Variants in RTEL1 observed in about 807,000 individuals in gnomAD.
RTEL1 encodes regulator of telomere length.
Under a neutral mutation model 162.2 loss-of-function variants are expected in RTEL1, and 86 were observed. The observed-to-expected ratio is 0.53, with a 90% CI of 0.45 to 0.63. The LOEUF (loss-of-function observed/expected upper bound fraction) is 0.63, where lower values mean the gene tolerates loss of function less well. Ranked by LOEUF, RTEL1 falls within the 30% of genes least tolerant of loss-of-function variation. The pLI is 0.00. For synonymous variants in RTEL1, 958 were observed against 717.9 expected (o/e 1.33, Z -5.35); for missense variants, 1,941 against 1,750.2 (o/e 1.11, Z -1.95).
chr20:63,663,040 C>T, intron 6 of RTEL1, 151 bp downstream of exon 6: 1 of 726,698 alleles, frequency 1.4e-6, no homozygotes, highest in Non-Finnish European at 2.4e-6. Flanking sequence ...TCGGGGCCAC[C>T]CATGTTAGAC....
intron 22 of RTEL1, 25 bp downstream of exon 22, chr20:63,689,157 C>G (rs2090665425): frequency 6.2e-7 from 1 of 1,602,688 alleles, no homozygotes. Context: ...GCCCTCTGCC[C>G]TGACCTGGTT....
intron 7 of RTEL1, among the ~76,000 whole-genome samples, chr20:63,666,780 T>C (rs2090137007): frequency 6.6e-6 from 1 of 151,904 alleles, no homozygotes; most frequent in South Asian, 2.1e-4. Context: ...TCCACCTGCC[T>C]TGGCCTCCCA....
chr20:63,695,824 G>C lies in RTEL1; in HGVS notation c.3869G>C (p.Ser1290Thr). The change falls in exon 35 of 35, where the codon AGC (serine) becomes ACC (threonine). Residue 1290 changes from serine (S) to threonine (T), a missense_variant. By Grantham distance (58) the Ser-to-Thr change is moderately conservative. Transcript: ENST00000360203. Reference protein sequence around the residue: ...PACHTASRKQSVMQVFWPEPQ With the variant: ...PACHTASRKQTVMQVFWPEPQ Reference sequence around the variant, plus strand: ...TGCCACACCGCCTCCAGGAAGCAGAGCGTCATGCAGGTCTTCTGGCCAGAG... The same window carrying C: ...TGCCACACCGCCTCCAGGAAGCAGACCGTCATGCAGGTCTTCTGGCCAGAG... 1 of 1,599,916 alleles carries C rather than the reference G, an allele frequency of 6.3e-7. No homozygotes were observed.
In RTEL1 at chr20:63,689,098, C is replaced by G; in HGVS notation, c.1844C>G (p.Thr615Ser). 6.2e-7 allele frequency: 1 copy of G among 1,610,640 alleles called. No homozygotes were observed. Among genetic ancestry groups the G allele is most frequent in the South Asian group, 1.1e-5 (1 of 91,090 alleles). Residue 615 changes from threonine to serine, a missense_variant, in exon 22 of 35, where the codon ACC becomes AGC. Physicochemically the swap from Thr to Ser is moderately conservative, Grantham distance 58. Coordinates refer to ENST00000360203, the MANE Select transcript of RTEL1 (RefSeq NM_001283009.2). ...GCAAGGGTTGCCGCCCCTGGGTCCA[C>G]CGGCGCCACCTTCCTGGCGGTCTGC... ...YYARVAAPGS[T>S]GATFLAVCRG... is the part of the protein sequence containing the mutation.
Position 63,694,529 on chromosome 20 carries a change from G to T in RTEL1, c.3109+41G>T, listed in dbSNP as rs771183450. On this transcript the variant is annotated intron_variant, in intron 31 of 34. Transcript: ENST00000360203. Reference sequence around the variant, plus strand: ...ACCGTGTGCAGCCTACGACTTGGTGGGTCCCTCAGTGGCTTCACGAGGCTA... The same window carrying T: ...ACCGTGTGCAGCCTACGACTTGGTGTGTCCCTCAGTGGCTTCACGAGGCTA... 16 of 1,496,072 alleles carry T rather than the reference G, an allele frequency of 1.1e-5. No homozygotes were observed. The East Asian group carries it at 3.4e-4, about 32-fold the overall frequency. 92.7% of individuals were successfully genotyped at this position (1,496,072 alleles called of 1,614,324 possible).
rs959872816 is a variant in RTEL1 at position 63,658,597 on chromosome 20, G to C, written c.-171+131G>C. On this transcript the variant is annotated intron_variant, in intron 1 of 34. Coordinates refer to ENST00000360203, the MANE Select transcript of RTEL1 (RefSeq NM_001283009.2). ...GGCCGCGGGTCGGCGGATTGGCCGC[G>C]CTGCATTTTGGGACCTGTAGTTTCC... 4 of 152,284 alleles carry C rather than the reference G, an allele frequency of 2.6e-5. No individual in the cohort carries two copies. The East Asian group carries it at 5.8e-4, about 22-fold the overall frequency. The allele number at this position is 152,284 out of a possible 1,614,324, so 9.4% of individuals were successfully genotyped here. A position where few individuals can be genotyped will look rare whatever the true frequency, so the allele number is the denominator to read the frequency against.
intron 30 of RTEL1, 48 bp from the exon 31 acceptor site, chr20:63,694,324 T>G: frequency 1.6e-6 from 1 of 623,602 alleles, no homozygotes; most frequent in Non-Finnish European, 2.9e-6. Context: ...CCCAGGGAAC[T>G]TTCCAGATGC....
At chr20:63,693,079 C>G in intron 29 of RTEL1, 64 bp from the exon 30 acceptor site, 2 of 1,610,638 alleles carry the variant, frequency 1.2e-6, no homozygotes, top group Admixed American at 1.7e-5. Context: ...CATCTGGGTC[C>G]AAGGTGGTCT....
Position 63,661,012 on chromosome 20 carries a change from CA to C in RTEL1, c.103-285del, listed in dbSNP as rs2090009141. The stretch of plus-strand genomic sequence containing the variant: ...AACAGTTTCCTATTTTGAGACTTGA[CA>C]CCTAATTAGTCATCTTACTATTTAA... On this transcript the variant is annotated intron_variant, in intron 2 of 34. Transcript: ENST00000360203. The surrounding 1 kb of genome is among the most constrained non-coding windows in gnomAD (Gnocchi z 5.1). Among the ~76,000 whole-genome samples the C allele has an allele frequency of 6.6e-6, 1 of 152,270 alleles. No individual in the cohort carries two copies. Among genetic ancestry groups the C allele is most frequent in the Non-Finnish European group, 1.5e-5 (1 of 68,046 alleles).
chr20:63,693,006 G>A lies in RTEL1; in HGVS notation c.2851+3G>A, dbSNP rs373434491. ...CAAGAAGCACAACCTGCTCCAAGGT[G>A]CCCTGGCTTGCAGAGGCCACCCACC... On this transcript the variant is annotated splice_donor_region_variant and intron_variant, in intron 29 of 34. Transcript: ENST00000360203. 4 of 1,612,310 alleles carry A rather than the reference G, an allele frequency of 2.5e-6. No individual in the cohort carries two copies. Among genetic ancestry groups the A allele is most frequent in the African/African-American group, 1.3e-5 (1 of 74,924 alleles).
chr20:63,689,993 TG>T, intron 24 of RTEL1, 93 bp from the exon 25 acceptor site: 1 of 1,565,976 alleles, frequency 6.4e-7, no homozygotes, highest in Non-Finnish European at 8.6e-7. Context: ...GGGGTCAGCG[TG>T]GGGCCCCTGC....
At position 63,692,598 on chromosome 20, in the gene RTEL1, CTG is replaced by C. The variant is rs2090776588; in HGVS notation, c.2653-202_2653-201del. On this transcript the variant is annotated intron_variant, in intron 28 of 34. Coordinates refer to ENST00000360203, the MANE Select transcript of RTEL1 (RefSeq NM_001283009.2). ...CTCTCAGTTCCCTGCCAGCCTCTCACTGTGTGACCTCAGACGGGCCCAGCCCC... is the reference window on the plus strand; with the variant it reads ...CTCTCAGTTCCCTGCCAGCCTCTCACTGTGACCTCAGACGGGCCCAGCCCC... 4.7e-5 allele frequency: 28 copies of C among 599,038 alleles called. No individual in the cohort carries two copies. The South Asian group carries it at 5.4e-4, about 11-fold the overall frequency. 37.1% of individuals were successfully genotyped at this position (599,038 alleles called of 1,614,324 possible). A position where few individuals can be genotyped will look rare whatever the true frequency, so the allele number is the denominator to read the frequency against.
At chr20:63,685,756 C>G (rs375052586) in intron 15 of RTEL1, 35 bp from the exon 16 acceptor site, 2 of 1,603,148 alleles carry the variant, frequency 1.2e-6, no homozygotes, top group Admixed American at 3.4e-5. Flanking sequence ...AGGACATGGG[C>G]GGGGCCTCCA....
At chr20:63,688,819 G>A in intron 21 of RTEL1, 1 of 634,982 alleles carries the variant, frequency 1.6e-6, no homozygotes, top group Non-Finnish European at 2.7e-6. Context: ...TGGCCCTCCT[G>A]TCTGAGTAGC....
chr20:63,694,310 C>G, intron 30 of RTEL1, 62 bp from the exon 31 acceptor site: 1 of 1,053,854 alleles, frequency 9.5e-7, no homozygotes, highest in Non-Finnish European at 1.5e-6. Flanking sequence ...CCCTGCCCCC[C>G]CACCCCAGGG....
intron 28 of RTEL1, chr20:63,692,424 C>G: frequency 3.1e-6 from 1 of 319,356 alleles, no homozygotes; most frequent in South Asian, 3.4e-5. Flanking sequence ...GGGCACTGCT[C>G]ATCCGGAAGC....
chr20:63,691,884 T>G, intron 28 of RTEL1, 47 bp downstream of exon 28: 2 of 1,526,916 alleles, frequency 1.3e-6, no homozygotes, highest in Non-Finnish European at 1.8e-6. Context: ...TAGACACGCA[T>G]GGGAACGCAG....
chr20:63,672,619 G>T lies in RTEL1; in HGVS notation c.763G>T (p.Val255Leu), dbSNP rs778675789. 1 of 1,581,438 alleles carries T rather than the reference G, an allele frequency of 6.3e-7. No homozygotes were observed. The change falls in exon 9 of 35, where the codon GTG (valine) becomes TTG (leucine). Residue 255 changes from valine to leucine, a missense_variant and splice_region_variant. Physicochemically the swap from Val to Leu is conservative, Grantham distance 32 (BLOSUM62 1). Transcript: ENST00000360203. The part of the protein sequence containing the change: ...TVVIFDEAHN[V>L]EKMCEESASF... ...CGTGATCTTTGACGAAGCTCACAACGTGGTGAGTCTCCGCTGGCCTCCTAA... is the reference window on the plus strand; with the variant it reads ...CGTGATCTTTGACGAAGCTCACAACTTGGTGAGTCTCCGCTGGCCTCCTAA...
chr20:63,667,423 C>T (rs1359192958), intron 7 of RTEL1, 46 bp from the exon 8 acceptor site: 3 of 1,481,676 alleles, frequency 2.0e-6, no homozygotes, highest in Non-Finnish European at 9.4e-7. Flanking sequence ...GGGGCACCGT[C>T]CCCTGCATGG....
Sources: gnomAD v4.1 joint callset for allele counts (sites outside exome capture counted in the v4.1 genomes callset) on GRCh38, gnomAD v4.1.1 for gene constraint, Gnocchi (gnomAD v3.1) non-coding constraint, MANE v1.5 for transcripts, NCBI Gene and HGNC (gene_info 2026-07-23, HGNC 2026-07-21) for gene names.